NCAM2: variants seen among roughly 807,000 people sequenced by gnomAD.
NCAM2 encodes N-CAM-2.
In NCAM2, 30 loss-of-function variants were observed where a neutral mutation model predicts 98.1. That is an observed-to-expected ratio of 0.31 (90% confidence interval 0.23 to 0.41). The LOEUF (loss-of-function observed/expected upper bound fraction) is 0.41. Ranked by LOEUF, NCAM2 falls within the 10% of genes least tolerant of loss-of-function variation. The pLI, the probability that NCAM2 is intolerant of heterozygous loss-of-function variation, is 1.00. For missense variants in NCAM2, 867 were observed against 1,005.8 expected (o/e 0.86, Z 1.87); for synonymous variants, 368 against 342.4 (o/e 1.07, Z -0.83).
chr21:21,170,153 C>T lies in NCAM2; in HGVS notation c.56-110425C>T, dbSNP rs552069999. Among the ~76,000 whole-genome samples the T allele has an allele frequency of 4.6e-5, 7 of 152,172 alleles. No individual in the cohort carries two copies. The South Asian group carries it at 6.2e-4, about 14-fold the overall frequency. On this transcript the variant is annotated intron_variant, in intron 1 of 17. Coordinates refer to ENST00000400546, the MANE Select transcript of NCAM2 (RefSeq NM_004540.5). ...AAGATGAACATTCATTCATTGGTGG[C>T]GTGAATGGAAAATAGTACAGCCACT... is the stretch of plus-strand genomic sequence containing the variant.
At chr21:21,120,163 AGTTT>A (rs1233722231) in intron 1 of NCAM2, among the ~76,000 whole-genome samples, 1 of 152,206 alleles carries the variant, frequency 6.6e-6, no homozygotes. Flanking sequence ...AAGTTTTATT[AGTTT>A]GTTAGGTAGA....
At chr21:21,349,666 T>A (rs1419571860) in intron 8 of NCAM2, among the ~76,000 whole-genome samples, 2 of 152,120 alleles carry the variant, frequency 1.3e-5, no homozygotes, top group African/African-American at 4.8e-5. Flanking sequence ...TAACTAAGAT[T>A]TGGAAGCAAC....
chr21:21,093,528 T>C (rs900487830), intron 1 of NCAM2, among the ~76,000 whole-genome samples: 1 of 152,026 alleles, frequency 6.6e-6, no homozygotes, highest in Non-Finnish European at 1.5e-5. Context: ...TTAAAGAAAA[T>C]TGTCTTTGGT....
chr21:21,487,887 G>A (rs1027004283), intron 15 of NCAM2, among the ~76,000 whole-genome samples: 8 of 152,098 alleles, frequency 5.3e-5, no homozygotes, highest in Middle Eastern at 3.2e-3. Context: ...CCTTAGGTGA[G>A]TTGCTATTTT....
intron 8 of NCAM2, among the ~76,000 whole-genome samples, chr21:21,368,076 T>C (rs2075828704): frequency 6.6e-6 from 1 of 151,842 alleles, no homozygotes; most frequent in South Asian, 2.1e-4. Context: ...TATCATAATA[T>C]TTTAATTTTA....
chr21:21,536,322 A>G (rs1004091362), intron 17 of NCAM2, among the ~76,000 whole-genome samples: 1 of 152,052 alleles, frequency 6.6e-6, no homozygotes, highest in Non-Finnish European at 1.5e-5. Context: ...ATGAACTAGC[A>G]TTGTAACTTT....
At chr21:21,269,712 GCTT>G (rs1420839275) in intron 1 of NCAM2, among the ~76,000 whole-genome samples, 8 of 152,024 alleles carry the variant, frequency 5.3e-5, no homozygotes, top group Non-Finnish European at 1.2e-4. Flanking sequence ...TCATTTTAGT[GCTT>G]CTAATTAAAA....
chr21:21,206,654 C>A (rs147059316), intron 1 of NCAM2, among the ~76,000 whole-genome samples: 2 of 151,944 alleles, frequency 1.3e-5, no homozygotes, highest in Non-Finnish European at 2.9e-5. Flanking sequence ...TATGCTTCTG[C>A]GACATAAAAT....
chr21:21,006,446 C>T (rs531621603), intron 1 of NCAM2, among the ~76,000 whole-genome samples: 2 of 152,162 alleles, frequency 1.3e-5, no homozygotes, highest in South Asian at 2.1e-4. Context: ...GAGGCAGAGG[C>T]TGCACCAAGC....
chr21:21,429,344 A>G (rs2077280564), intron 11 of NCAM2, among the ~76,000 whole-genome samples: 1 of 152,176 alleles, frequency 6.6e-6, no homozygotes. Context: ...ACAAACAATC[A>G]TGTTTATACC....
chr21:21,256,011 C>G (rs1458047375), intron 1 of NCAM2, among the ~76,000 whole-genome samples: 1 of 152,116 alleles, frequency 6.6e-6, no homozygotes, highest in Non-Finnish European at 1.5e-5. Context: ...AGCCAAATTT[C>G]AATAATGTAG....
At chr21:21,469,983 G>A (rs1316466080) in intron 14 of NCAM2, among the ~76,000 whole-genome samples, 1 of 151,992 alleles carries the variant, frequency 6.6e-6, no homozygotes, top group African/African-American at 2.4e-5. Flanking sequence ...CATGCAGATT[G>A]TTGCTCACAA....
intron 1 of NCAM2, among the ~76,000 whole-genome samples, chr21:21,037,849 A>G (rs2064828485): frequency 6.6e-6 from 1 of 152,200 alleles, no homozygotes; most frequent in South Asian, 2.1e-4. Context: ...TAAAATTGGA[A>G]CATACATGGA....
At chr21:21,176,520 AGAGT>A (rs1351151246) in intron 1 of NCAM2, among the ~76,000 whole-genome samples, 1 of 151,342 alleles carries the variant, frequency 6.6e-6, no homozygotes, top group East Asian at 1.9e-4. Context: ...TATTAACTCT[AGAGT>A]TTTTCTATGA....
chr21:21,266,595 A>G (rs927467929), intron 1 of NCAM2, among the ~76,000 whole-genome samples: 2 of 152,060 alleles, frequency 1.3e-5, no homozygotes, highest in African/African-American at 2.4e-5. Context: ...GCTGGAAACC[A>G]TCATTCTCAG....
intron 5 of NCAM2, among the ~76,000 whole-genome samples, chr21:21,296,598 G>A (rs1256088096): frequency 2.0e-5 from 3 of 151,730 alleles, no homozygotes; most frequent in Non-Finnish European, 4.4e-5. Flanking sequence ...TATGGGACAA[G>A]GAAGAGCTGC....
At chr21:21,276,184 TTTTA>T (rs1449423530) in intron 1 of NCAM2, among the ~76,000 whole-genome samples, 2 of 152,136 alleles carry the variant, frequency 1.3e-5, no homozygotes, top group African/African-American at 4.8e-5. Flanking sequence ...CCCCATCTTA[TTTTA>T]TTTTTCATAA....
intron 6 of NCAM2, among the ~76,000 whole-genome samples, chr21:21,331,261 C>G (rs2074670269): frequency 6.6e-6 from 1 of 151,388 alleles, no homozygotes; most frequent in African/African-American, 2.4e-5. Flanking sequence ...TTCAGCATCC[C>G]CAGTAGCTGG....
chr21:21,252,578 C>T (rs2071514784), intron 1 of NCAM2, among the ~76,000 whole-genome samples: 1 of 152,070 alleles, frequency 6.6e-6, no homozygotes, highest in African/African-American at 2.4e-5. Flanking sequence ...ACAAGAGTGA[C>T]ATATGTAGAG....
Sources: gnomAD v4.1 joint callset for allele counts (sites outside exome capture counted in the v4.1 genomes callset) on GRCh38, gnomAD v4.1.1 for gene constraint, MANE v1.5 for transcripts, NCBI Gene and HGNC (gene_info 2026-07-23, HGNC 2026-07-21) for gene names.